CCDC7: variants seen among roughly 807,000 people sequenced by gnomAD.
CCDC7 encodes coiled-coil domain-containing protein 7.
CCDC7 carries 183 observed loss-of-function variants against 196.9 expected under a neutral mutation model. That is an observed-to-expected ratio of 0.93 (90% CI 0.82 to 1.05). The LOEUF (loss-of-function observed/expected upper bound fraction) is 1.05, where lower values mean the gene tolerates loss of function less well. CCDC7 is among the 50% of genes least tolerant of loss of function. The probability of loss-of-function intolerance (pLI) is 0.00; values close to 1 mark genes in which losing one functional copy is unlikely to be tolerated. For missense variants in CCDC7, 1,540 were observed against 1,482.2 expected, an observed-to-expected ratio of 1.04 and a Z score of -0.64; for synonymous variants, 525 against 484.6, an observed-to-expected ratio of 1.08 and a Z score of -1.10.
At chr10:32,544,379 A>T in intron 13 of CCDC7, 78 bp downstream of exon 14, 1 of 1,434,960 alleles carries the variant, frequency 7.0e-7, no homozygotes, top group Non-Finnish European at 9.5e-7. Context: ...AAACATTATT[A>T]CGTATGTGAT....
chr10:32,758,795 G>A (rs1433682599), intron 28 of CCDC7, among the ~76,000 whole-genome samples: 1 of 152,156 alleles, frequency 6.6e-6, no homozygotes, highest in South Asian at 2.1e-4. Context: ...TAGGAAAAGA[G>A]GAAGTCAAAT....
At chr10:32,674,085 A>AT (rs1377539579) in intron 21 of CCDC7, among the ~76,000 whole-genome samples, 1 of 145,768 alleles carries the variant, frequency 6.9e-6, no homozygotes, top group East Asian at 2.1e-4. Flanking sequence ...TTTTTTCTAT[A>AT]TTTTTTTCCT....
chr10:32,868,462 T>G (rs2094292825), intron 41 of CCDC7, among the ~76,000 whole-genome samples: 1 of 152,014 alleles, frequency 6.6e-6, no homozygotes, highest in Non-Finnish European at 1.5e-5. Flanking sequence ...GCTTTTTTCT[T>G]ACTATGTGAA....
intron 3 of CCDC7, among the ~76,000 whole-genome samples, chr10:32,461,709 GTATATATATATATATATATA>G (rs771403958): frequency 0.15 from 8,465 of 57,066 alleles, 522 homozygotes; most frequent in Non-Finnish European, 0.22. Flanking sequence ...GTGTGTGTGT[GTATATATATATATATATATA>G]TGTATATATA....
chr10:32,543,050 G>C (rs1240612072), intron 11 of CCDC7, among the ~76,000 whole-genome samples: 1 of 152,078 alleles, frequency 6.6e-6, no homozygotes, highest in Non-Finnish European at 1.5e-5. Context: ...TAACATAATT[G>C]ATTGATATTG....
chr10:32,563,987 C>G (rs1326459594), intron 13 of CCDC7, among the ~76,000 whole-genome samples: 1 of 151,972 alleles, frequency 6.6e-6, no homozygotes, highest in Non-Finnish European at 1.5e-5. Context: ...AAAAGTGGGC[C>G]AAGGACATGA....
intron 11 of CCDC7, among the ~76,000 whole-genome samples, chr10:32,538,008 G>A (rs1017509171): frequency 6.6e-6 from 1 of 152,144 alleles, no homozygotes; most frequent in Non-Finnish European, 1.5e-5. Flanking sequence ...TTTTAGAATA[G>A]TTTTTTCTAT....
At chr10:32,473,271 A>G (rs149945506) in intron 7 of CCDC7, among the ~76,000 whole-genome samples, 73 of 152,326 alleles carry the variant, frequency 4.8e-4, no homozygotes, top group African/African-American at 1.7e-3. Context: ...TTAAAGGGTG[A>G]ATAGGATTTA....
At chr10:32,746,750 A>G (rs564288773) in intron 28 of CCDC7, among the ~76,000 whole-genome samples, 1 of 152,248 alleles carries the variant, frequency 6.6e-6, no homozygotes, top group Non-Finnish European at 1.5e-5. Flanking sequence ...GAGGGACCCC[A>G]CCAATGTGCA....
intron 9 of CCDC7, chr10:32,511,258 G>GGGC (rs2046089756): frequency 2.1e-5 from 14 of 651,930 alleles, no homozygotes; most frequent in Non-Finnish European, 3.2e-5. Context: ...ATTCTGTGGG[G>GGGC]GGCGGGGGGG....
Position 32,729,370 on chromosome 10 carries a change from G to T in CCDC7, c.2818G>T (p.Glu940Ter). The T allele has an allele frequency of 1.3e-6, 2 of 1,555,986 alleles. No individual in the cohort carries two copies. The highest frequency in any genetic ancestry group is 2.5e-5 in the South Asian group (2 of 81,618). Residue 940 changes from glutamate to a stop codon, truncating the protein, a stop_gained, in exon 28 of 42, where the codon GAA (glutamate) becomes TAA (stop). Coordinates refer to ENST00000639629, the Ensembl canonical transcript of CCDC7. LOFTEE classifies it high-confidence loss of function. ...AATCAAAAAAAAGGATATATCACTT[G>T]AACATCTGTTGCCTGAGGAGAAAGT...
At chr10:32,871,923 C>T (rs1007652477) in intron 41 of CCDC7, among the ~76,000 whole-genome samples, 4 of 152,146 alleles carry the variant, frequency 2.6e-5, no homozygotes, top group Admixed American at 6.6e-5. Flanking sequence ...GAGTGAGTTC[C>T]TTAATCCTGA....
At chr10:32,554,589 C>T (rs1317804526) in intron 13 of CCDC7, among the ~76,000 whole-genome samples, 1 of 152,208 alleles carries the variant, frequency 6.6e-6, no homozygotes, top group Non-Finnish European at 1.5e-5. Context: ...CCTTCTGTTT[C>T]TCCAGTGGAG....
intron 21 of CCDC7, among the ~76,000 whole-genome samples, chr10:32,674,692 C>T (rs1296155183): frequency 6.6e-6 from 1 of 152,028 alleles, no homozygotes; most frequent in Non-Finnish European, 1.5e-5. Context: ...AAGTCTCTCT[C>T]TTCATACCTA....
chr10:32,672,591 G>T (rs2074256392), intron 21 of CCDC7, among the ~76,000 whole-genome samples: 1 of 152,174 alleles, frequency 6.6e-6, no homozygotes, highest in African/African-American at 2.4e-5. Flanking sequence ...ACCCTTTCTG[G>T]GGTTTCCTGG....
chr10:32,776,281 TA>T (rs56752014), intron 28 of CCDC7, among the ~76,000 whole-genome samples: 13,715 of 149,334 alleles, frequency 0.092, 652 homozygotes, highest in East Asian at 0.16. Context: ...TGAAGTATAA[TA>T]AAAAAAAAAT....
At chr10:32,675,596 T>G (rs542633084) in intron 21 of CCDC7, 5 of 152,496 alleles carry the variant, frequency 3.3e-5, no homozygotes, top group Admixed American at 2.6e-4. Context: ...TATGTTTACT[T>G]GCTAGTGATA....
intron 41 of CCDC7, among the ~76,000 whole-genome samples, chr10:32,865,652 G>T (rs993267936): frequency 6.6e-6 from 1 of 151,710 alleles, no homozygotes; most frequent in Non-Finnish European, 1.5e-5. Flanking sequence ...CAAATTGTGG[G>T]TTACACAGCT....
chr10:32,578,515 G>T (rs1034004192), intron 16 of CCDC7, among the ~76,000 whole-genome samples: 2 of 151,552 alleles, frequency 1.3e-5, no homozygotes, highest in African/African-American at 4.9e-5. Context: ...ATGGGAGACA[G>T]TGACAGATCA....
Sources: gnomAD v4.1 joint callset for allele counts (sites outside exome capture counted in the v4.1 genomes callset) on GRCh38, gnomAD v4.1.1 for gene constraint, MANE v1.5 for transcripts, NCBI Gene and HGNC (gene_info 2026-07-23, HGNC 2026-07-21) for gene names.